The following RBFOX2 variants were observed in gnomAD, a reference collection of about 807,000 sequenced individuals.
RBFOX2 encodes the protein RNA binding protein fox-1 homolog 2.
RBFOX2 carries 10 observed loss-of-function variants against 49.1 expected under a neutral mutation model. That is an observed-to-expected ratio of 0.20 (90% CI 0.13 to 0.35). RBFOX2 has a LOEUF of 0.35. RBFOX2 is among the 10% of genes least tolerant of loss of function. The probability of loss-of-function intolerance (pLI) is 1.00; values close to 1 mark genes in which losing one functional copy is unlikely to be tolerated. For missense variants in RBFOX2, 323 were observed against 486.9 expected, an observed-to-expected ratio of 0.66 and a Z score of 3.17; for synonymous variants, 183 against 187.4, an observed-to-expected ratio of 0.98 and a Z score of 0.19.
intron 1 of RBFOX2, among the ~76,000 whole-genome samples, chr22:35,951,916 C>T (rs2054988221): frequency 1.3e-5 from 2 of 152,152 alleles, no homozygotes; most frequent in Non-Finnish European, 2.9e-5. Flanking sequence ...AAAGAATTAA[C>T]GTAGCAGGTC....
intron 1 of RBFOX2, among the ~76,000 whole-genome samples, chr22:35,974,145 T>A (rs930535854): frequency 4.6e-5 from 7 of 152,206 alleles, no homozygotes; most frequent in Admixed American, 3.9e-4. Flanking sequence ...AAAACTGGAC[T>A]GGTCAGGATT....
At chr22:35,768,482 C>T in intron 4 of RBFOX2, 133 bp from the exon 6 acceptor site, 1 of 723,240 alleles carries the variant, frequency 1.4e-6, no homozygotes, top group Non-Finnish European at 2.3e-6. Flanking sequence ...CTCCCAAAGT[C>T]ACATTTTTGG....
intron 1 of RBFOX2, among the ~76,000 whole-genome samples, chr22:35,811,745 C>T (rs898696783): frequency 1.3e-5 from 2 of 152,114 alleles, no homozygotes; most frequent in Non-Finnish European, 2.9e-5. Context: ...GGGAGGACTG[C>T]CTGCGGCTAG....
intron 1 of RBFOX2, among the ~76,000 whole-genome samples, chr22:35,971,927 A>G (rs927910578): frequency 6.6e-6 from 1 of 150,980 alleles, no homozygotes; most frequent in African/African-American, 2.4e-5. Flanking sequence ...AAAAAAAAAA[A>G]AAAAAAAAAA....
upstream of RBFOX2, among the ~76,000 whole-genome samples, chr22:35,942,202 G>A (rs943863276): frequency 1.3e-5 from 2 of 151,992 alleles, no homozygotes; most frequent in African/African-American, 4.8e-5. Context: ...TGCTGCCTAC[G>A]AACATTCTTT....
At chr22:35,931,922 C>T (rs1201131766) in intron 1 of RBFOX2, among the ~76,000 whole-genome samples, 3 of 152,156 alleles carry the variant, frequency 2.0e-5, no homozygotes, top group South Asian at 2.1e-4. Flanking sequence ...TAGTCACAAT[C>T]GACAATTTTT....
intron 1 of RBFOX2, among the ~76,000 whole-genome samples, chr22:35,950,976 T>TA (rs1336540499): frequency 2.7e-5 from 4 of 148,092 alleles, no homozygotes; most frequent in Non-Finnish European, 6.0e-5. Context: ...TTTTTGGAGA[T>TA]AGAGTCTCAC....
intron 5 of RBFOX2, among the ~76,000 whole-genome samples, chr22:35,766,962 G>T (rs1941166218): frequency 6.6e-6 from 1 of 152,112 alleles, no homozygotes; most frequent in Non-Finnish European, 1.5e-5. Context: ...AAAAGAGAAA[G>T]TCAGGAAGGG....
intron 1 of RBFOX2, among the ~76,000 whole-genome samples, chr22:35,812,944 G>A (rs1325059665): frequency 2.0e-5 from 3 of 152,200 alleles, no homozygotes; most frequent in African/African-American, 7.2e-5. Flanking sequence ...TGGGAGATGG[G>A]GAGAAAGGTA....
chr22:35,980,221 CAT>C (rs2150057096), intron 1 of RBFOX2, among the ~76,000 whole-genome samples: 1 of 152,288 alleles, frequency 6.6e-6, no homozygotes, highest in South Asian at 2.1e-4. Flanking sequence ...AACACACACA[CAT>C]CTCTCCAAGG....
intron 1 of RBFOX2, among the ~76,000 whole-genome samples, chr22:35,856,621 C>A: frequency 2.8e-5 from 4 of 144,834 alleles, no homozygotes; most frequent in African/African-American, 2.6e-5. Context: ...TTCTAGAGGC[C>A]AGGAGGGGAA....
chr22:36,010,741 ACAC>A, intron 1 of RBFOX2, among the ~76,000 whole-genome samples: 1 of 142,708 alleles, frequency 7.0e-6, no homozygotes, highest in Non-Finnish European at 1.5e-5. Flanking sequence ...GTACACACAC[ACAC>A]ACACACACAC....
At chr22:36,028,720 C>G (rs12171238) in exon 1 of RBFOX2, among the ~76,000 whole-genome samples, 3,561 of 151,556 alleles carry the variant, frequency 0.023, 144 homozygotes, top group African/African-American at 0.081. Context: ...CCGGCCCGGC[C>G]CGCCGCGCCG....
At chr22:35,813,181 T>A (rs1952265624) in intron 1 of RBFOX2, among the ~76,000 whole-genome samples, 1 of 152,076 alleles carries the variant, frequency 6.6e-6, no homozygotes, top group Non-Finnish European at 1.5e-5. Flanking sequence ...GGGATAGGAG[T>A]GATTTAACAT....
intron 1 of RBFOX2, among the ~76,000 whole-genome samples, chr22:36,024,282 T>C (rs1169934738): frequency 6.6e-6 from 1 of 152,160 alleles, no homozygotes; most frequent in Non-Finnish European, 1.5e-5. Context: ...GTTCCTATCT[T>C]TTAGAAGCTT....
intron 2 of RBFOX2, among the ~76,000 whole-genome samples, chr22:35,800,797 TA>T (rs1339001706): frequency 6.6e-6 from 1 of 152,208 alleles, no homozygotes; most frequent in African/African-American, 2.4e-5. Context: ...ACTTTTTCTT[TA>T]AAAGTTTAAA....
intron 1 of RBFOX2, among the ~76,000 whole-genome samples, chr22:35,828,436 G>A (rs751301926): frequency 1.2e-4 from 19 of 152,200 alleles, no homozygotes; most frequent in Non-Finnish European, 2.1e-4. Flanking sequence ...GAGAAGCCAA[G>A]ACAGCACAGG....
chr22:35,844,326 A>T (rs1483106633), upstream of RBFOX2, among the ~76,000 whole-genome samples: 6 of 152,198 alleles, frequency 3.9e-5, no homozygotes, highest in African/African-American at 1.4e-4. Flanking sequence ...ACAGTAAATG[A>T]ATGTTTGTTG....
intron 1 of RBFOX2, among the ~76,000 whole-genome samples, chr22:35,925,980 C>T (rs568824396): frequency 2.0e-5 from 3 of 152,200 alleles, no homozygotes; most frequent in Non-Finnish European, 4.4e-5. Flanking sequence ...TCCCCTGTCT[C>T]TCTAATCAAC....
Sources: allele counts gnomAD v4.1 joint callset (sites outside exome capture counted in the v4.1 genomes callset), GRCh38; gene constraint gnomAD v4.1.1; transcripts MANE v1.5; gene names NCBI Gene and HGNC (gene_info 2026-07-23, HGNC 2026-07-21).